The following CDH1 variants were observed in gnomAD, a reference collection of about 807,000 sequenced individuals.
CDH1 encodes the protein cadherin 1.
In CDH1, 35 loss-of-function variants were observed where a neutral mutation model predicts 84.5. The observed-to-expected ratio is 0.41, with a 90% CI of 0.32 to 0.55. The LOEUF is 0.55. Ranked by LOEUF, CDH1 falls within the 20% of genes least tolerant of loss-of-function variation. The pLI, the probability that CDH1 is intolerant of heterozygous loss-of-function variation, is 0.19. For synonymous variants in CDH1, 417 were observed against 439.0 expected (o/e 0.95, Z 0.63); for missense variants, 994 against 1,126.6 (o/e 0.88, Z 1.68).
intron 2 of CDH1, among the ~76,000 whole-genome samples, chr16:68,794,527 C>T (rs1005661724): frequency 3.3e-5 from 5 of 151,720 alleles, no homozygotes; most frequent in African/African-American, 1.2e-4. Flanking sequence ...ATTTTTATTA[C>T]TATAATTTTA....
chr16:68,768,910 G>C, intron 2 of CDH1, among the ~76,000 whole-genome samples: 1 of 152,302 alleles, frequency 6.6e-6, no homozygotes, highest in East Asian at 1.9e-4. Flanking sequence ...CCTGTGCCCA[G>C]AGCACCCTTC....
chr16:68,779,424 T>C (rs1959816286), intron 2 of CDH1, among the ~76,000 whole-genome samples: 1 of 152,254 alleles, frequency 6.6e-6, no homozygotes, highest in Admixed American at 6.5e-5. Flanking sequence ...CTGTTATAGC[T>C]ACGTGGCCTT....
At chr16:68,830,603 G>A (rs1224559913) in intron 15 of CDH1, among the ~76,000 whole-genome samples, 4 of 152,158 alleles carry the variant, frequency 2.6e-5, no homozygotes, top group Non-Finnish European at 5.9e-5. Context: ...GGGGTGAGCA[G>A]TCTAGGCCAG....
At chr16:68,765,252 A>C (rs2152119849) in intron 2 of CDH1, 1 of 152,210 alleles carries the variant, frequency 6.6e-6, no homozygotes, top group African/African-American at 2.4e-5. Flanking sequence ...CAGTGGCGTG[A>C]TCTCGGCTCA....
At chr16:68,781,559 G>A (rs1480189098) in intron 2 of CDH1, among the ~76,000 whole-genome samples, 4 of 151,924 alleles carry the variant, frequency 2.6e-5, no homozygotes, top group East Asian at 1.9e-4. Flanking sequence ...GGTTGGTGTC[G>A]AACTCCTGAG....
intron 2 of CDH1, among the ~76,000 whole-genome samples, chr16:68,785,188 G>C (rs1567493759): frequency 1.3e-5 from 2 of 152,074 alleles, no homozygotes; most frequent in Non-Finnish European, 2.9e-5. Context: ...CTTTGAGACA[G>C]AGTCTTGTTC....
Position 68,828,214 on chromosome 16 carries a change from G to A in CDH1, c.2205G>A (p.Ala735=), listed in dbSNP as rs138493551. 70 of 1,613,854 alleles carry A rather than the reference G, an allele frequency of 4.3e-5. No homozygotes were observed. The highest frequency in any genetic ancestry group is 2.0e-4 in the East Asian group (9 of 44,888). ...LLLLLFLRRR[A]VVKEPLLPPE... ...TCTTGCTGTTTCTTCGGAGGAGAGC[G>A]GTGGTCAAAGAGCCCTTACTGCCCC... Residue 735 remains alanine (A), a synonymous_variant, in exon 14 of 16, where the codon GCG becomes GCA. Transcript: ENST00000261769.
intron 2 of CDH1, among the ~76,000 whole-genome samples, chr16:68,761,315 C>T (rs1272890051): frequency 2.0e-5 from 3 of 152,102 alleles, no homozygotes; most frequent in Admixed American, 6.5e-5. Flanking sequence ...GGGGCAGCCC[C>T]GCTGGGCTAT....
chr16:68,792,438 C>A (rs1271362747), intron 2 of CDH1, among the ~76,000 whole-genome samples: 2 of 152,160 alleles, frequency 1.3e-5, no homozygotes, highest in Non-Finnish European at 2.9e-5. Flanking sequence ...CCATGTGGAC[C>A]AGGCTGGTCT....
chr16:68,740,330 A>G (rs1170445825), intron 2 of CDH1, among the ~76,000 whole-genome samples: 2 of 152,108 alleles, frequency 1.3e-5, no homozygotes, highest in East Asian at 1.9e-4. Context: ...CAGAGAAACT[A>G]CAGCTCGACT....
chr16:68,750,500 G>T (rs1218614981), intron 2 of CDH1, among the ~76,000 whole-genome samples: 1 of 152,042 alleles, frequency 6.6e-6, no homozygotes, highest in Non-Finnish European at 1.5e-5. Context: ...TTCCACATGA[G>T]CAAGATCATA....
chr16:68,747,172 T>C (rs1962766628), intron 2 of CDH1, among the ~76,000 whole-genome samples: 1 of 152,166 alleles, frequency 6.6e-6, no homozygotes, highest in Admixed American at 6.5e-5. Flanking sequence ...CAGCTTCACC[T>C]GCTGGGCCTT....
chr16:68,814,443 G>A (rs1462680210), intron 9 of CDH1: 2 of 152,814 alleles, frequency 1.3e-5, no homozygotes, highest in African/African-American at 4.8e-5. Flanking sequence ...TGCTGCTTGG[G>A]AGGCTGAAGC....
At chr16:68,808,879 G>C (rs557431028) in intron 5 of CDH1, 31 bp downstream of exon 5, 1 of 1,611,020 alleles carries the variant, frequency 6.2e-7, no homozygotes, top group Non-Finnish European at 8.5e-7. Flanking sequence ...TGTTGACACC[G>C]GGGTAACATC....
intron 2 of CDH1, among the ~76,000 whole-genome samples, chr16:68,774,352 TCTA>T (rs1959670760): frequency 6.6e-6 from 1 of 152,156 alleles, no homozygotes; most frequent in African/African-American, 2.4e-5. Flanking sequence ...AAACCCCATC[TCTA>T]CTAATAATAC....
At chr16:68,829,498 T>C (rs1409429350) in intron 14 of CDH1, among the ~76,000 whole-genome samples, 156 bp from the exon 15 acceptor site, 1 of 152,240 alleles carries the variant, frequency 6.6e-6, no homozygotes, top group African/African-American at 2.4e-5. Context: ...GGGAGACTTT[T>C]AGCTTGAAAA....
chr16:68,819,819 T>C (rs1961092917), intron 11 of CDH1, among the ~76,000 whole-genome samples: 1 of 152,220 alleles, frequency 6.6e-6, no homozygotes, highest in African/African-American at 2.4e-5. Flanking sequence ...CTGATTCGTT[T>C]CACTTGAGAC....
intron 13 of CDH1, among the ~76,000 whole-genome samples, chr16:68,824,095 T>C (rs1961255939): frequency 6.7e-6 from 1 of 148,848 alleles, no homozygotes; most frequent in Non-Finnish European, 1.5e-5. Flanking sequence ...CTTAACAGGT[T>C]CAAGCGATTC....
intron 15 of CDH1, 83 bp downstream of exon 15, chr16:68,829,880 T>A (rs2152142597): frequency 8.0e-6 from 11 of 1,373,176 alleles, no homozygotes; most frequent in Middle Eastern, 2.0e-4. Context: ...AAAAGAGTCT[T>A]TAGATTCTTT....
Sources: allele counts gnomAD v4.1 joint callset (sites outside exome capture counted in the v4.1 genomes callset), GRCh38; gene constraint gnomAD v4.1.1; transcripts MANE v1.5; gene names NCBI Gene and HGNC (gene_info 2026-07-23, HGNC 2026-07-21).